WDSUB1: variants seen among roughly 807,000 people sequenced by gnomAD.
WDSUB1 encodes WD repeat, sterile alpha motif and U-box domain containing 1.
A neutral mutation model predicts 53.9 loss-of-function variants in WDSUB1; 49 were observed. The observed-to-expected ratio is 0.91, with a 90% CI of 0.72 to 1.15. The LOEUF is 1.15. Ranked by LOEUF, WDSUB1 falls within the 50% of genes most tolerant of loss-of-function variation. The probability of loss-of-function intolerance (pLI) is 0.00; values close to 1 mark genes in which losing one functional copy is unlikely to be tolerated. For missense variants in WDSUB1, 514 were observed against 562.0 expected (o/e 0.91, Z 0.86); for synonymous variants, 194 against 200.6 (o/e 0.97, Z 0.28).
chr2:159,245,318 A>C (rs2151056886), intron 10 of WDSUB1, among the ~76,000 whole-genome samples: 1 of 152,274 alleles, frequency 6.6e-6, no homozygotes, highest in Admixed American at 6.5e-5. Context: ...CCCTGAGGCC[A>C]GCAGTTCAAG....
chr2:159,264,189 GTGTGGCTATTCAAAT>G (rs1354595462), intron 5 of WDSUB1, among the ~76,000 whole-genome samples: 1 of 152,170 alleles, frequency 6.6e-6, no homozygotes, highest in Non-Finnish European at 1.5e-5. Context: ...AAAAGTGATG[GTGTGGCTATTCAAAT>G]TTCACTAAAG....
At chr2:159,278,872 T>C (rs961930998) in intron 3 of WDSUB1, among the ~76,000 whole-genome samples, 15 of 152,214 alleles carry the variant, frequency 9.9e-5, no homozygotes, top group Non-Finnish European at 1.9e-4. Flanking sequence ...TCTTTGGACC[T>C]GTTTTGTCCA....
chr2:159,260,569 G>T (rs2061168214), intron 5 of WDSUB1, among the ~76,000 whole-genome samples: 1 of 152,108 alleles, frequency 6.6e-6, no homozygotes, highest in Non-Finnish European at 1.5e-5. Flanking sequence ...TATATGTTTT[G>T]ATTATGATCC....
At chr2:159,246,605 A>G (rs547857384) in intron 10 of WDSUB1, among the ~76,000 whole-genome samples, 2 of 152,298 alleles carry the variant, frequency 1.3e-5, no homozygotes, top group South Asian at 4.1e-4. Flanking sequence ...CCCTTTAAAC[A>G]TTCGCTTATC....
At chr2:159,249,172 T>TTAAA (rs2060889674) in intron 9 of WDSUB1, among the ~76,000 whole-genome samples, 1 of 152,212 alleles carries the variant, frequency 6.6e-6, no homozygotes, top group South Asian at 2.1e-4. Flanking sequence ...AAAATCATTT[T>TTAAA]TAAATATGTT....
chr2:159,262,331 A>G (rs1174565309), intron 5 of WDSUB1, among the ~76,000 whole-genome samples: 1 of 152,154 alleles, frequency 6.6e-6, no homozygotes, highest in African/African-American at 2.4e-5. Context: ...AGTAAGGCTG[A>G]AAACACAGCC....
At chr2:159,257,003 T>C (rs1174406690) in intron 8 of WDSUB1, among the ~76,000 whole-genome samples, 1 of 152,072 alleles carries the variant, frequency 6.6e-6, no homozygotes, top group Non-Finnish European at 1.5e-5. Context: ...TGTAAAATTA[T>C]TATTATTATT....
At chr2:159,249,760 A>AACTT (rs530427353) in intron 9 of WDSUB1, among the ~76,000 whole-genome samples, 6 of 152,094 alleles carry the variant, frequency 3.9e-5, no homozygotes, top group African/African-American at 1.4e-4. Context: ...ACCACCATGA[A>AACTT]ACTTACTTAA....
At chr2:159,247,910 A>ATATATAAATATAT (rs2060846247) in intron 10 of WDSUB1, among the ~76,000 whole-genome samples, 1 of 17,680 alleles carries the variant, frequency 5.7e-5, no homozygotes, top group Non-Finnish European at 1.3e-4. Flanking sequence ...TATATATATA[A>ATATATAAATATAT]ATATATATAT....
At chr2:159,246,492 TAA>T (rs1483447190) in intron 10 of WDSUB1, among the ~76,000 whole-genome samples, 1 of 151,076 alleles carries the variant, frequency 6.6e-6, no homozygotes, top group Admixed American at 6.6e-5. Flanking sequence ...TGGCAAAATT[TAA>T]AAGACTAGCA....
intron 10 of WDSUB1, among the ~76,000 whole-genome samples, chr2:159,239,712 C>G (rs1174711315): frequency 6.6e-6 from 1 of 152,124 alleles, no homozygotes; most frequent in Non-Finnish European, 1.5e-5. Flanking sequence ...CACTTGAGCC[C>G]TGGAGTTTAA....
intron 10 of WDSUB1, among the ~76,000 whole-genome samples, chr2:159,246,375 T>A (rs140689436): frequency 0.085 from 12,198 of 143,852 alleles, 1,091 homozygotes; most frequent in African/African-American, 0.22. Flanking sequence ...GAGCTTGCAG[T>A]GAGCAGAGAT....
chr2:159,261,676 C>CA lies in WDSUB1; in HGVS notation c.771-1834dup, dbSNP rs573200784. On this transcript the variant is annotated intron_variant, in intron 5 of 10. Transcript: ENST00000359774. ...GTATAACTTCCCATGCTTGTCCCCT[C>CA]ACAGGGACATCAATTTGAAAAAGTA... Among the ~76,000 whole-genome samples the CA allele has an allele frequency of 8.6e-5, 13 of 151,684 alleles. No homozygotes were observed. The South Asian group carries it at 2.5e-3, about 29-fold the overall frequency.
In WDSUB1 at chr2:159,252,111, G is replaced by A. The variant is rs560203982; in HGVS notation, c.1133-3599C>T. Among the ~76,000 whole-genome samples the A allele has an allele frequency of 4.3e-4, 65 of 151,212 alleles. 1 individual carries two copies. Among genetic ancestry groups the A allele is most frequent in the Non-Finnish European group, 8.1e-4 (55 of 67,854 alleles). On this transcript the variant is annotated intron_variant, in intron 9 of 10. Coordinates refer to ENST00000359774, the MANE Select transcript of WDSUB1 (RefSeq NM_001128212.3). ...ACAGAACCAAATGCTGGTTTCTTACGAAGAAAGCTAAAAATCTGCTTTTTA... is the reference window on the plus strand; with the variant it reads ...ACAGAACCAAATGCTGGTTTCTTACAAAGAAAGCTAAAAATCTGCTTTTTA...
Position 159,257,938 on chromosome 2 carries a change from T to C in WDSUB1, c.845+7A>G, listed in dbSNP as rs1294246864. On this transcript the variant is annotated splice_region_variant and intron_variant, in intron 7 of 10. Coordinates refer to ENST00000359774, the MANE Select transcript of WDSUB1 (RefSeq NM_001128212.3). ...TATATTAATACAAGGTGAGGTTAAG[T>C]TCAGACCTGGTGTGCTGAGTCAATG... is the stretch of plus-strand genomic sequence containing the variant. 1.2e-6 allele frequency: 2 copies of C among 1,613,432 alleles called. No individual in the cohort carries two copies. The highest frequency in any genetic ancestry group is 2.2e-5 in the South Asian group (2 of 91,056).
At position 159,236,165 on chromosome 2, in the gene WDSUB1, T is replaced by C; in HGVS notation, c.1299A>G (p.Ala433=). The change falls in exon 11 of 11, where the codon GCA becomes GCG. Residue 433 remains alanine (A), a synonymous_variant. Transcript: ENST00000359774. ...ASDGYSYEKE[A]MENWISKKKR... Reference sequence around the variant, plus strand: ...TCTTTTTGCTGATCCAATTTTCCATTGCTTCCTTTTCATATGAATAGCCAT... The same window carrying C: ...TCTTTTTGCTGATCCAATTTTCCATCGCTTCCTTTTCATATGAATAGCCAT... The C allele has an allele frequency of 6.2e-7, 1 of 1,610,282 alleles. No individual in the cohort carries two copies. The highest frequency in any genetic ancestry group is 8.5e-7 in the Non-Finnish European group (1 of 1,178,894).
At chr2:159,240,235 G>A (rs1005798602) in intron 10 of WDSUB1, among the ~76,000 whole-genome samples, 37 of 152,138 alleles carry the variant, frequency 2.4e-4, no homozygotes, top group Middle Eastern at 6.8e-3. Context: ...TTTATGGCTC[G>A]ATATTCTCTT....
intron 2 of WDSUB1, among the ~76,000 whole-genome samples, chr2:159,280,708 A>AAAAAAACAAAAC (rs111752652): frequency 7.4e-6 from 1 of 134,320 alleles, no homozygotes; most frequent in African/African-American, 3.4e-5. Context: ...AAAAAAAAAA[A>AAAAAAACAAAAC]ATTACCCAGA....
chr2:159,258,887 C>T (rs896659160), intron 6 of WDSUB1, among the ~76,000 whole-genome samples: 1 of 152,210 alleles, frequency 6.6e-6, no homozygotes, highest in Non-Finnish European at 1.5e-5. Flanking sequence ...GTGACTCGAA[C>T]TTCTGTGTGG....
Sources: gnomAD v4.1 joint callset for allele counts (sites outside exome capture counted in the v4.1 genomes callset) on GRCh38, gnomAD v4.1.1 for gene constraint, MANE v1.5 for transcripts, NCBI Gene and HGNC (gene_info 2026-07-23, HGNC 2026-07-21) for gene names.